Variants in CADPS observed in about 807,000 individuals in gnomAD.
CADPS encodes the protein calcium dependent secretion activator, also known as calcium-dependent secretion activator 1.
Under a neutral mutation model 167.3 loss-of-function variants are expected in CADPS, and 57 were observed. The observed-to-expected ratio is 0.34, with a 90% CI of 0.28 to 0.42. CADPS has a LOEUF of 0.42. Ranked by LOEUF, CADPS falls within the 20% of genes least tolerant of loss-of-function variation. The pLI, the probability that CADPS is intolerant of heterozygous loss-of-function variation, is 1.00. For missense variants in CADPS, 1,414 were observed against 1,738.1 expected (o/e 0.81, Z 3.32); for synonymous variants, 676 against 635.3 (o/e 1.06, Z -0.96).
At chr3:62,574,614 T>G (rs1488911417) in intron 8 of CADPS, among the ~76,000 whole-genome samples, 1 of 152,134 alleles carries the variant, frequency 6.6e-6, no homozygotes, top group Non-Finnish European at 1.5e-5. Context: ...TAAATAGACA[T>G]AAGAGGGAGG....
intron 1 of CADPS, among the ~76,000 whole-genome samples, chr3:62,812,782 G>A (rs1294974146): frequency 6.6e-6 from 1 of 152,156 alleles, no homozygotes; most frequent in Non-Finnish European, 1.5e-5. Context: ...CTCCATAAGA[G>A]AGAGCATCAG....
intron 3 of CADPS, among the ~76,000 whole-genome samples, chr3:62,683,891 G>A (rs557621107): frequency 6.6e-6 from 1 of 152,088 alleles, no homozygotes; most frequent in Admixed American, 6.5e-5. Context: ...CTACAGAAGC[G>A]AAGAGCCATT....
chr3:62,595,219 A>G (rs2058739612), intron 6 of CADPS, among the ~76,000 whole-genome samples: 1 of 152,162 alleles, frequency 6.6e-6, no homozygotes, highest in Non-Finnish European at 1.5e-5. Flanking sequence ...CACAACAGTC[A>G]TAGTAGAGAC....
intron 3 of CADPS, among the ~76,000 whole-genome samples, chr3:62,709,161 AATCT>A (rs1444335546): frequency 1.3e-5 from 2 of 152,040 alleles, no homozygotes; most frequent in Non-Finnish European, 2.9e-5. Context: ...GGCAAGCAAT[AATCT>A]GACAAATTGG....
At chr3:62,829,517 A>G (rs1278764772) in intron 1 of CADPS, among the ~76,000 whole-genome samples, 1 of 152,096 alleles carries the variant, frequency 6.6e-6, no homozygotes, top group Non-Finnish European at 1.5e-5. Context: ...TATAGTGAAT[A>G]TTGTATGAAT....
At chr3:62,472,678 T>C (rs1475977076) in intron 24 of CADPS, among the ~76,000 whole-genome samples, 1 of 152,176 alleles carries the variant, frequency 6.6e-6, no homozygotes, top group East Asian at 1.9e-4. Flanking sequence ...AAACAGATTG[T>C]GCCACTAAAA....
chr3:62,570,920 A>T lies in CADPS; in HGVS notation c.1596T>A (p.Gly532=). The T allele has an allele frequency of 6.2e-7, 1 of 1,609,868 alleles. No homozygotes were observed. The highest frequency in any genetic ancestry group is 8.5e-7 in the Non-Finnish European group (1 of 1,176,064). ...TCTTCCATCTCTTCCAGACATTCTT[A>T]CCGATGGCCCATAAATACCTAAGGG... is the stretch of plus-strand genomic sequence containing the variant. ...MKHSGYLWAI[G]KNVWKRWKKR... Residue 532 remains glycine (G), a synonymous_variant, in exon 9 of 30, where the codon GGT becomes GGA. Transcript: ENST00000383710.
rs56153630 is a variant in CADPS at position 62,494,669 on chromosome 3, ATTT to A, written c.2707-1007_2707-1005del. Among the ~76,000 whole-genome samples the A allele has an allele frequency of 2.1e-3, 247 of 118,612 alleles. 2 individuals are homozygous for A. The highest frequency in any genetic ancestry group is 7.8e-3 in the African/African-American group (230 of 29,510). The allele number at this position is 118,612 out of a possible 152,430, so 77.8% of individuals were successfully genotyped here. ...ACCTCATACCTGGCTCTTACCAGCA[ATTT>A]TTTTTTTTTTTTTGGACGGAGTTTT... On this transcript the variant is annotated intron_variant, in intron 18 of 29. Coordinates refer to ENST00000383710, the MANE Select transcript of CADPS (RefSeq NM_003716.4).
chr3:62,744,065 A>T (rs2080908187), intron 3 of CADPS, among the ~76,000 whole-genome samples: 1 of 152,116 alleles, frequency 6.6e-6, no homozygotes. Flanking sequence ...TGGCTGTATG[A>T]CCTTGGAAAA....
intron 29 of CADPS, among the ~76,000 whole-genome samples, chr3:62,401,522 G>A (rs182028215): frequency 2.0e-4 from 30 of 152,306 alleles, no homozygotes; most frequent in Non-Finnish European, 3.7e-4. Context: ...TAAATGAAGT[G>A]GCTGTTGATG....
Position 62,445,813 on chromosome 3 carries a change from G to T in CADPS, c.3637-16C>A. ...CTGCCTTCACCTAAAGAGGAAAGAA[G>T]AGGATGGAAGTGAGGCTGGTGTTTA... On this transcript the variant is annotated splice_polypyrimidine_tract_variant and intron_variant, in intron 26 of 29. Coordinates refer to ENST00000383710, the MANE Select transcript of CADPS (RefSeq NM_003716.4). 1 of 1,489,412 alleles carries T rather than the reference G, an allele frequency of 6.7e-7. No individual in the cohort carries two copies. Among genetic ancestry groups the T allele is most frequent in the Non-Finnish European group, 8.9e-7 (1 of 1,128,198 alleles). The allele number at this position is 1,489,412 out of a possible 1,614,324, so 92.3% of individuals were successfully genotyped here.
At chr3:62,480,992 A>T (rs769677232) in intron 22 of CADPS, among the ~76,000 whole-genome samples, 6 of 152,182 alleles carry the variant, frequency 3.9e-5, no homozygotes, top group Non-Finnish European at 8.8e-5. Flanking sequence ...TCTGACATTC[A>T]TGTGGATGAG....
At chr3:62,727,588 T>G (rs557951) in intron 3 of CADPS, among the ~76,000 whole-genome samples, 57,920 of 151,514 alleles carry the variant, frequency 0.38, 12,971 homozygotes, top group African/African-American at 0.61. Flanking sequence ...GCAATGCCCT[T>G]TTAAGGAGGC....
intron 18 of CADPS, 70 bp downstream of exon 18, chr3:62,499,092 G>T (rs531525598): frequency 2.2e-6 from 2 of 896,872 alleles, no homozygotes; most frequent in South Asian, 1.6e-5. Flanking sequence ...TTCACAATCT[G>T]GCTGGGAAAA....
intron 6 of CADPS, among the ~76,000 whole-genome samples, chr3:62,643,102 T>C (rs2067785900): frequency 6.6e-6 from 1 of 151,978 alleles, no homozygotes; most frequent in South Asian, 2.1e-4. Flanking sequence ...GTAAAGGATA[T>C]AGGAGAGTCT....
At chr3:62,650,819 A>T in intron 5 of CADPS, 28 bp downstream of exon 5, 1 of 1,581,400 alleles carries the variant, frequency 6.3e-7, no homozygotes, top group Non-Finnish European at 8.7e-7. Flanking sequence ...CTGTGCCAAG[A>T]AACTTTCAAG....
chr3:62,681,250 C>T (rs1185576324), intron 3 of CADPS, among the ~76,000 whole-genome samples: 2 of 152,080 alleles, frequency 1.3e-5, no homozygotes, highest in African/African-American at 4.8e-5. Context: ...CAGCCTGTCT[C>T]TCAAAGACTC....
chr3:62,773,359 T>C (rs1396707732), intron 1 of CADPS, among the ~76,000 whole-genome samples: 1 of 152,112 alleles, frequency 6.6e-6, no homozygotes, highest in Non-Finnish European at 1.5e-5. Flanking sequence ...GAAAAAGGCA[T>C]TTTAAGTGAC....
intron 6 of CADPS, among the ~76,000 whole-genome samples, chr3:62,630,029 G>A (rs965361526): frequency 1.3e-5 from 2 of 152,010 alleles, no homozygotes; most frequent in Non-Finnish European, 2.9e-5. Flanking sequence ...ATTCATTGGT[G>A]TCTTAAATTA....
Sources: gnomAD v4.1 joint callset for allele counts (sites outside exome capture counted in the v4.1 genomes callset) on GRCh38, gnomAD v4.1.1 for gene constraint, MANE v1.5 for transcripts, NCBI Gene and HGNC (gene_info 2026-07-23, HGNC 2026-07-21) for gene names.